TRAF3: variants seen among roughly 807,000 people sequenced by gnomAD.
TRAF3 encodes the protein TNF receptor-associated factor 3.
Under a neutral mutation model 62.3 loss-of-function variants are expected in TRAF3, and 13 were observed. The observed-to-expected ratio is 0.21, with a 90% CI of 0.14 to 0.33. The LOEUF is 0.33. TRAF3 is among the 10% of genes least tolerant of loss of function. The pLI is 1.00. For synonymous variants in TRAF3, 269 were observed against 283.4 expected, an observed-to-expected ratio of 0.95 and a Z score of 0.51; for missense variants, 440 against 741.8, an observed-to-expected ratio of 0.59 and a Z score of 4.73.
At chr14:102,894,705 A>G (rs545828138) in intron 9 of TRAF3, among the ~76,000 whole-genome samples, 93 of 152,312 alleles carry the variant, frequency 6.1e-4, no homozygotes, top group African/African-American at 2.2e-3. Context: ...ATGTGTGTTC[A>G]TTGCTGTAAG....
Position 102,889,541 on chromosome 14 carries a change from C to T in TRAF3, c.652-19C>T, listed in dbSNP as rs758764669. 19 of 1,613,610 alleles carry T rather than the reference C, an allele frequency of 1.2e-5. No individual in the cohort carries two copies. The highest frequency in any genetic ancestry group is 6.7e-5 in the Admixed American group (4 of 60,002). On this transcript the variant is annotated intron_variant, in intron 7 of 11. Coordinates refer to ENST00000392745, the MANE Select transcript of TRAF3 (RefSeq NM_145725.3). ...ATGCAAACGTTTGTGCCACAACTCA[C>T]GTCTCTTTCCCGTTGCAGTTGAGTG...
At position 102,903,038 on chromosome 14, in the gene TRAF3, C is replaced by T; in HGVS notation, c.961-217C>T. ...TTTTCTTCCATGTGGCTTCATGTCA[C>T]CTCGAGTGCTCCCTGCCGGCACAAG... On this transcript the variant is annotated intron_variant, in intron 10 of 11. Transcript: ENST00000392745. This position sits in a 1 kb window ranked among gnomAD's most constrained non-coding sequence, Gnocchi z 6.4. 1.5e-6 allele frequency: 1 copy of T among 655,106 alleles called. No individual in the cohort carries two copies. Among genetic ancestry groups the T allele is most frequent in the Non-Finnish European group, 2.7e-6 (1 of 363,672 alleles). 40.6% of individuals were successfully genotyped at this position (655,106 alleles called of 1,614,324 possible).
chr14:102,827,460 A>G (rs1900392771), intron 1 of TRAF3, among the ~76,000 whole-genome samples: 1 of 152,196 alleles, frequency 6.6e-6, no homozygotes, highest in African/African-American at 2.4e-5. Flanking sequence ...CTTTTCATAT[A>G]CACCTTATAC....
At chr14:102,824,344 T>C (rs1054022768) in intron 1 of TRAF3, among the ~76,000 whole-genome samples, 3 of 152,230 alleles carry the variant, frequency 2.0e-5, no homozygotes, top group African/African-American at 7.2e-5. Context: ...CTGGTGGTCA[T>C]GAAATGGTCT....
chr14:102,784,469 C>T (rs559230786), intron 1 of TRAF3, among the ~76,000 whole-genome samples: 6 of 152,030 alleles, frequency 3.9e-5, no homozygotes, highest in African/African-American at 1.4e-4. Flanking sequence ...GTGATCTGCC[C>T]GCCTCGGCCT....
At position 102,905,484 on chromosome 14, in the gene TRAF3, G is replaced by T. The variant is rs200974693; in HGVS notation, c.1407G>T (p.Thr469=). The stretch of plus-strand genomic sequence containing the variant: ...ACGGGGACGGGATGGGGAAGGGGAC[G>T]CACTTGTCGCTGTTTTTTGTCATCA... ...YLNGDGMGKG[T]HLSLFFVIMR... Residue 469 remains threonine, a synonymous_variant, in exon 12 of 12, where the codon ACG becomes ACT. Coordinates refer to ENST00000392745, the MANE Select transcript of TRAF3 (RefSeq NM_145725.3). 2 of 1,614,230 alleles carry T rather than the reference G, an allele frequency of 1.2e-6. No individual in the cohort carries two copies.
chr14:102,789,173 C>A (rs973147928), intron 1 of TRAF3, among the ~76,000 whole-genome samples: 1 of 152,018 alleles, frequency 6.6e-6, no homozygotes, highest in Admixed American at 6.6e-5. Context: ...GAGGTACATC[C>A]AAATTGTAGC....
intron 9 of TRAF3, chr14:102,894,999 G>A: frequency 2.2e-6 from 1 of 447,446 alleles, no homozygotes; most frequent in Admixed American, 2.4e-5. Flanking sequence ...ATCACAGCTG[G>A]CCTATTGACA....
At position 102,898,848 on chromosome 14, in the gene TRAF3, A is replaced by G. The variant is rs118069327; in HGVS notation, c.960+1447A>G. Among the ~76,000 whole-genome samples the G allele has an allele frequency of 8.5e-3, 1,293 of 152,342 alleles. 9 individuals are homozygous for G. The highest frequency in any genetic ancestry group is 0.031 in the Middle Eastern group (9 of 294). ...ACTTGAAAACTTTTGTGATTGGATG[A>G]ACCAATGAAGCATAAGTCAGAAAGA... On this transcript the variant is annotated intron_variant, in intron 10 of 11. Transcript: ENST00000392745.
At chr14:102,793,994 G>A (rs191129012) in intron 1 of TRAF3, among the ~76,000 whole-genome samples, 11 of 152,236 alleles carry the variant, frequency 7.2e-5, no homozygotes, top group East Asian at 1.9e-4. Flanking sequence ...CAAGAGGGCC[G>A]TACACACATG....
chr14:102,854,268 G>A (rs8018022), intron 2 of TRAF3, among the ~76,000 whole-genome samples: 1,569 of 152,090 alleles, frequency 0.01, 23 homozygotes, highest in African/African-American at 0.029. Flanking sequence ...AAGTTTTTGC[G>A]TGAACAGACT....
chr14:102,824,050 T>C (rs1278095708), intron 1 of TRAF3, among the ~76,000 whole-genome samples: 2 of 152,268 alleles, frequency 1.3e-5, no homozygotes, highest in Admixed American at 1.3e-4. Context: ...TGTTGTGTGA[T>C]AGCGCTGCTG....
At chr14:102,874,271 T>C (rs1270365700) in intron 4 of TRAF3, among the ~76,000 whole-genome samples, 3 of 152,132 alleles carry the variant, frequency 2.0e-5, no homozygotes, top group Non-Finnish European at 2.9e-5. Context: ...CCCTGTCTCT[T>C]TTTGAGACAG....
intron 1 of TRAF3, among the ~76,000 whole-genome samples, chr14:102,800,649 A>C (rs1485028504): frequency 2.1e-5 from 3 of 145,084 alleles, no homozygotes; most frequent in Non-Finnish European, 3.0e-5. Context: ...TGAATATTTC[A>C]TTATTTTACC....
intron 2 of TRAF3, among the ~76,000 whole-genome samples, chr14:102,861,737 A>G (rs1887689691): frequency 6.6e-6 from 1 of 152,230 alleles, no homozygotes. Flanking sequence ...TTATTATAGA[A>G]GTAAATAAAA....
At chr14:102,794,462 C>T (rs778285109) in intron 1 of TRAF3, among the ~76,000 whole-genome samples, 1 of 152,216 alleles carries the variant, frequency 6.6e-6, no homozygotes, top group Non-Finnish European at 1.5e-5. Context: ...GGATTACAGG[C>T]GTGAGCTACT....
intron 2 of TRAF3, among the ~76,000 whole-genome samples, chr14:102,839,210 C>CCTTTTTTTT (rs1310697452): frequency 4.5e-5 from 4 of 89,836 alleles, no homozygotes; most frequent in African/African-American, 1.8e-4. Context: ...GTTGATTTGC[C>CCTTTTTTTT]TTTTTTTTTT....
intron 1 of TRAF3, among the ~76,000 whole-genome samples, chr14:102,799,149 G>C (rs1470888937): frequency 6.6e-6 from 1 of 152,002 alleles, no homozygotes; most frequent in Non-Finnish European, 1.5e-5. Flanking sequence ...ACTGAAAGCA[G>C]AATTAAGAGT....
At chr14:102,806,629 G>A (rs747225284) in intron 1 of TRAF3, among the ~76,000 whole-genome samples, 8 of 152,146 alleles carry the variant, frequency 5.3e-5, no homozygotes, top group African/African-American at 1.9e-4. Flanking sequence ...CCAGGGCATG[G>A]CAGGAAATGA....
Sources: allele counts gnomAD v4.1 joint callset (sites outside exome capture counted in the v4.1 genomes callset), GRCh38; gene constraint gnomAD v4.1.1; non-coding constraint Gnocchi (gnomAD v3.1); transcripts MANE v1.5; gene names NCBI Gene and HGNC (gene_info 2026-07-23, HGNC 2026-07-21).